ZNRF1: variants seen among roughly 807,000 people sequenced by gnomAD.
The protein encoded by ZNRF1 is E3 ubiquitin-protein ligase ZNRF1.
ZNRF1 carries 3 observed loss-of-function variants against 18.4 expected under a neutral mutation model. That is an observed-to-expected ratio of 0.16 (90% CI 0.07 to 0.42). The LOEUF is 0.42. Ranked by LOEUF, ZNRF1 falls within the 10% of genes least tolerant of loss-of-function variation. The probability of loss-of-function intolerance (pLI) is 0.99; values close to 1 mark genes in which losing one functional copy is unlikely to be tolerated. For missense variants in ZNRF1, 310 were observed against 329.8 expected (o/e 0.94, Z 0.47); for synonymous variants, 157 against 144.2 (o/e 1.09, Z -0.64).
chr16:75,033,136 T>G (rs929851868), intron 1 of ZNRF1, among the ~76,000 whole-genome samples: 5 of 152,178 alleles, frequency 3.3e-5, no homozygotes, highest in Non-Finnish European at 2.9e-5. Flanking sequence ...TACTGTGGTG[T>G]TATAATAAGT....
chr16:75,093,310 G>T (rs142612557), intron 1 of ZNRF1, among the ~76,000 whole-genome samples: 1 of 151,890 alleles, frequency 6.6e-6, no homozygotes, highest in Middle Eastern at 3.2e-3. Context: ...GCTTGAACCC[G>T]GGATGCAGAG....
chr16:75,006,176 G>A (rs1334895293), intron 1 of ZNRF1, among the ~76,000 whole-genome samples: 2 of 152,148 alleles, frequency 1.3e-5, no homozygotes, highest in African/African-American at 4.8e-5. Flanking sequence ...TTGACCACGG[G>A]TAACTGAAAC....
At chr16:75,080,266 A>G (rs2035993819) in intron 1 of ZNRF1, among the ~76,000 whole-genome samples, 1 of 152,200 alleles carries the variant, frequency 6.6e-6, no homozygotes, top group African/African-American at 2.4e-5. Flanking sequence ...TCTGCATCCC[A>G]GGATTATGCT....
intron 1 of ZNRF1, among the ~76,000 whole-genome samples, chr16:75,038,019 A>G (rs2035397282): frequency 6.6e-6 from 1 of 152,214 alleles, no homozygotes; most frequent in South Asian, 2.1e-4. Context: ...TGTAGTGACC[A>G]AGTTCATATA....
intron 1 of ZNRF1, among the ~76,000 whole-genome samples, chr16:75,018,241 C>T (rs534097459): frequency 6.6e-6 from 1 of 152,172 alleles, no homozygotes; most frequent in African/African-American, 2.4e-5. Context: ...TAGTTTTGGT[C>T]CTTACTGTTA....
intron 4 of ZNRF1, chr16:75,107,497 T>A (rs2036331595): frequency 6.0e-6 from 2 of 333,776 alleles, no homozygotes; most frequent in Admixed American, 8.4e-5. Flanking sequence ...TTGCTCTTTT[T>A]ACCTCCACCT....
At chr16:75,015,711 G>A (rs1390579726) in intron 1 of ZNRF1, among the ~76,000 whole-genome samples, 1 of 152,096 alleles carries the variant, frequency 6.6e-6, no homozygotes, top group Non-Finnish European at 1.5e-5. Context: ...AGTCTCCTGG[G>A]TAGCTGGGAC....
At chr16:75,090,057 C>T (rs1270473668) in intron 1 of ZNRF1, among the ~76,000 whole-genome samples, 1 of 152,232 alleles carries the variant, frequency 6.6e-6, no homozygotes, top group African/African-American at 2.4e-5. Context: ...TCTCCTTCCA[C>T]AGCCTCAGCC....
intron 1 of ZNRF1, among the ~76,000 whole-genome samples, chr16:75,020,702 C>T (rs1048838005): frequency 3.9e-5 from 6 of 152,020 alleles, no homozygotes; most frequent in Non-Finnish European, 8.8e-5. Context: ...CCACCACACC[C>T]AGCTAATTTT....
At chr16:75,078,466 C>T (rs963802723) in intron 1 of ZNRF1, among the ~76,000 whole-genome samples, 4 of 151,834 alleles carry the variant, frequency 2.6e-5, no homozygotes, top group African/African-American at 4.8e-5. Flanking sequence ...GCCCGGCTAA[C>T]TTTTGTATTT....
At chr16:75,016,436 C>T (rs752804906) in intron 1 of ZNRF1, among the ~76,000 whole-genome samples, 9 of 151,958 alleles carry the variant, frequency 5.9e-5, no homozygotes, top group Non-Finnish European at 1.0e-4. Context: ...GACATGGTCT[C>T]ACCATGTTGG....
rs1484106642 is a variant in ZNRF1 at position 75,110,343 on chromosome 16, G to C, written c.*2643G>C. ...CCTGTTCTGCCTTTCTGGGATGGGA[G>C]AGAAGGTGAGGGAGCCGGCGAGCAG... On this transcript the variant is annotated 3_prime_UTR_variant, in exon 5 of 5. Transcript: ENST00000335325. 6.6e-6 allele frequency: 1 copy of C among 152,318 alleles called. No individual in the cohort carries two copies. Among genetic ancestry groups the C allele is most frequent in the African/African-American group, 2.4e-5 (1 of 41,444 alleles). 9.4% of individuals were successfully genotyped at this position (152,318 alleles called of 1,614,324 possible).
At chr16:75,090,008 G>A (rs1246758949) in intron 1 of ZNRF1, among the ~76,000 whole-genome samples, 1 of 152,182 alleles carries the variant, frequency 6.6e-6, no homozygotes. Flanking sequence ...GAGTGTCAGG[G>A]CCTGGAGGCA....
intron 1 of ZNRF1, among the ~76,000 whole-genome samples, chr16:75,064,649 G>A (rs1018066636): frequency 2.0e-5 from 3 of 152,000 alleles, no homozygotes; most frequent in Admixed American, 6.6e-5. Context: ...TGCCTGGCAC[G>A]TAGGAGTGGC....
chr16:75,000,192 C>T (rs757703602), intron 1 of ZNRF1, 97 bp downstream of exon 1: 103 of 1,476,436 alleles, frequency 7.0e-5, no homozygotes, highest in Non-Finnish European at 8.9e-5. Flanking sequence ...AGTGCACGAC[C>T]GGGATCTGTC....
rs1291467005 is a variant in ZNRF1, at chr16:75,110,989, A to G, written c.*3289A>G. 6.6e-6 allele frequency: 1 copy of G among 152,252 alleles called. No homozygotes were observed. Among genetic ancestry groups the G allele is most frequent in the African/African-American group, 2.4e-5 (1 of 41,444 alleles). 9.4% of individuals were successfully genotyped at this position (152,252 alleles called of 1,614,324 possible). ...CGGGACAGAAACGTCACGGAGGAGT[A>G]GCCTCCAGGCTCAGGTTGGTGTAAC... On this transcript the variant is annotated 3_prime_UTR_variant, in exon 5 of 5. Coordinates refer to ENST00000335325, the MANE Select transcript of ZNRF1 (RefSeq NM_032268.5).
chr16:75,057,584 G>A (rs2035684239), intron 1 of ZNRF1, among the ~76,000 whole-genome samples: 1 of 152,116 alleles, frequency 6.6e-6, no homozygotes, highest in South Asian at 2.1e-4. Flanking sequence ...CAGCTGCTTT[G>A]CAAGAAATTC....
chr16:75,082,706 A>G (rs927005106), intron 1 of ZNRF1, among the ~76,000 whole-genome samples: 2 of 152,134 alleles, frequency 1.3e-5, no homozygotes, highest in South Asian at 2.1e-4. Flanking sequence ...GGCATGTGCA[A>G]CCATGCCTGG....
At chr16:75,097,397 C>T (rs1220223573) in intron 2 of ZNRF1, among the ~76,000 whole-genome samples, 2 of 152,132 alleles carry the variant, frequency 1.3e-5, no homozygotes, top group Admixed American at 1.3e-4. Context: ...GAGAGCTCCC[C>T]TCAGCTGTGT....
Sources: gnomAD v4.1 joint callset for allele counts (sites outside exome capture counted in the v4.1 genomes callset) on GRCh38, gnomAD v4.1.1 for gene constraint, MANE v1.5 for transcripts, NCBI Gene and HGNC (gene_info 2026-07-23, HGNC 2026-07-21) for gene names.